Variants in KCNN3 observed in about 807,000 individuals in gnomAD.
The protein encoded by KCNN3 is small conductance calcium-activated potassium channel protein 3.
KCNN3 carries 16 observed loss-of-function variants against 62.9 expected under a neutral mutation model. The observed-to-expected ratio is 0.25, with a 90% CI of 0.17 to 0.39. The LOEUF (loss-of-function observed/expected upper bound fraction) is 0.39. Ranked by LOEUF, KCNN3 falls within the 10% of genes least tolerant of loss-of-function variation. KCNN3 has a pLI of 1.00. For synonymous variants in KCNN3, 370 were observed against 389.2 expected, an observed-to-expected ratio of 0.95 and a Z score of 0.58; for missense variants, 599 against 949.4, an observed-to-expected ratio of 0.63 and a Z score of 4.85.
intron 1 of KCNN3, chr1:154,859,625 G>T: frequency 1.3e-6 from 2 of 1,491,608 alleles, no homozygotes; most frequent in Non-Finnish European, 1.9e-6. Context: ...AGGTTCAATG[G>T]CTCAAGCCAG....
intron 1 of KCNN3, among the ~76,000 whole-genome samples, chr1:154,847,870 C>T (rs916480338): frequency 3.9e-5 from 6 of 152,216 alleles, no homozygotes; most frequent in African/African-American, 1.4e-4. Flanking sequence ...GCCCACTTTA[C>T]AAACACAGAC....
At chr1:154,768,199 T>G (rs541441994) in intron 3 of KCNN3, among the ~76,000 whole-genome samples, 1 of 152,344 alleles carries the variant, frequency 6.6e-6, no homozygotes, top group Non-Finnish European at 1.5e-5. Context: ...ACTACCCTGG[T>G]CTGACGCTTC....
At chr1:154,721,483 TAG>T (rs1700346335) in intron 5 of KCNN3, among the ~76,000 whole-genome samples, 1 of 151,952 alleles carries the variant, frequency 6.6e-6, no homozygotes, top group East Asian at 1.9e-4. Flanking sequence ...GTATTTTTAG[TAG>T]AGACGGGGTT....
intron 1 of KCNN3, among the ~76,000 whole-genome samples, chr1:154,857,766 C>T (rs1336952957): frequency 6.6e-6 from 1 of 152,208 alleles, no homozygotes; most frequent in Admixed American, 6.5e-5. Context: ...ATCTACCTCA[C>T]AGGGTTGTTG....
At chr1:154,754,994 G>C (rs1164908711) in intron 3 of KCNN3, among the ~76,000 whole-genome samples, 2 of 152,132 alleles carry the variant, frequency 1.3e-5, no homozygotes, top group African/African-American at 4.8e-5. Context: ...ATGGTGCAGG[G>C]ATGTATTCAA....
chr1:154,798,916 ATTTT>A (rs56240234), intron 2 of KCNN3, among the ~76,000 whole-genome samples: 4,209 of 131,268 alleles, frequency 0.032, 152 homozygotes, highest in African/African-American at 0.096. Flanking sequence ...CACTTATTGC[ATTTT>A]TTTTTTTTTT....
chr1:154,811,529 T>A (rs1418800879), intron 2 of KCNN3, among the ~76,000 whole-genome samples: 2 of 152,218 alleles, frequency 1.3e-5, no homozygotes, highest in Non-Finnish European at 2.9e-5. Flanking sequence ...GCAGGCTCAG[T>A]GTCTCTCCCA....
intron 2 of KCNN3, among the ~76,000 whole-genome samples, chr1:154,805,461 C>T (rs564524867): frequency 7.9e-5 from 12 of 152,340 alleles, no homozygotes; most frequent in African/African-American, 1.2e-4. Flanking sequence ...TTACAAACTA[C>T]TTTTTCTCAA....
At chr1:154,854,474 T>C (rs1271580668) in intron 1 of KCNN3, among the ~76,000 whole-genome samples, 1 of 152,186 alleles carries the variant, frequency 6.6e-6, no homozygotes, top group Non-Finnish European at 1.5e-5. Context: ...AAGTTGTATC[T>C]TGGAGGGAAG....
At chr1:154,771,731 A>G (rs1259322956) in intron 3 of KCNN3, among the ~76,000 whole-genome samples, 1 of 152,228 alleles carries the variant, frequency 6.6e-6, no homozygotes, top group African/African-American at 2.4e-5. Context: ...TTGGTTTGCA[A>G]AGAAGGAACA....
intron 3 of KCNN3, 154 bp downstream of exon 3, chr1:154,771,821 A>T (rs1648570466): frequency 1.3e-6 from 1 of 791,176 alleles, no homozygotes; most frequent in South Asian, 1.5e-5. Flanking sequence ...CTGAACCCCA[A>T]CTCAGCACTC....
chr1:154,732,948 G>A, intron 4 of KCNN3, 55 bp downstream of exon 4: 1 of 1,606,976 alleles, frequency 6.2e-7, no homozygotes, highest in Non-Finnish European at 8.5e-7. Context: ...GCAAGAAAGA[G>A]TTCAGCTCTT....
At chr1:154,781,971 C>G (rs1162391260) in intron 2 of KCNN3, among the ~76,000 whole-genome samples, 4 of 152,168 alleles carry the variant, frequency 2.6e-5, no homozygotes, top group Admixed American at 6.5e-5. Context: ...ACAGGGAGGG[C>G]TCTCTATGGA....
Position 154,870,033 on chromosome 1 carries a change from C to A in KCNN3, c.-69G>T. ...AAAGCCACCCTCGCTCCAAAGATGT[C>A]CTCAAAGAAAGCCAGGCATCCAATC... On this transcript the variant is annotated 5_prime_UTR_variant, in exon 1 of 8. Transcript: ENST00000271915. 6.5e-7 allele frequency: 1 copy of A among 1,547,306 alleles called. No homozygotes were observed. Among genetic ancestry groups the A allele is most frequent in the Non-Finnish European group, 8.8e-7 (1 of 1,135,540 alleles).
intron 1 of KCNN3, among the ~76,000 whole-genome samples, chr1:154,830,983 T>G (rs78400016): frequency 0.014 from 2,099 of 152,322 alleles, 51 homozygotes; most frequent in African/African-American, 0.048. Flanking sequence ...AACTGGCATA[T>G]CATGAATTCT....
chr1:154,797,873 C>T (rs1207498851), intron 2 of KCNN3, among the ~76,000 whole-genome samples: 2 of 152,120 alleles, frequency 1.3e-5, no homozygotes, highest in Non-Finnish European at 1.5e-5. Context: ...TTTTAGGTGT[C>T]TTCTCTCTCT....
intron 3 of KCNN3, among the ~76,000 whole-genome samples, chr1:154,767,023 G>T (rs564554027): frequency 2.0e-5 from 3 of 152,156 alleles, no homozygotes; most frequent in African/African-American, 7.2e-5. Context: ...CTTCTTGGAG[G>T]GGGTAGGAGG....
Position 154,713,499 on chromosome 1 carries a change from T to C in KCNN3, c.1864A>G (p.Ser622Gly), listed in dbSNP as rs2101761838. The C allele has an allele frequency of 1.2e-6, 2 of 1,614,070 alleles. No individual in the cohort carries two copies. Among genetic ancestry groups the C allele is most frequent in the East Asian group, 4.5e-5 (2 of 44,884 alleles). The change falls in exon 7 of 8, where the codon AGT becomes GGT. Residue 622 changes from serine (S) to glycine (G), a missense_variant. By Grantham distance (56) the Ser-to-Gly change is moderately conservative. Coordinates refer to ENST00000271915, the MANE Select transcript of KCNN3 (RefSeq NM_002249.6). ...TCCACCAGAGTGTTGGCTTGGTCAC[T>C]CAGCTTCCTCTGTTCCATCTTGACG... is the stretch of plus-strand genomic sequence containing the variant. The part of the protein sequence containing the change: ...RSVKMEQRKL[S>G]DQANTLVDLS...
At chr1:154,754,965 G>T (rs1647566765) in intron 3 of KCNN3, among the ~76,000 whole-genome samples, 1 of 152,196 alleles carries the variant, frequency 6.6e-6, no homozygotes, top group African/African-American at 2.4e-5. Flanking sequence ...TACAGGAGAA[G>T]ATGTATATAA....
Sources: allele counts gnomAD v4.1 joint callset (sites outside exome capture counted in the v4.1 genomes callset), GRCh38; gene constraint gnomAD v4.1.1; transcripts MANE v1.5; gene names NCBI Gene and HGNC (gene_info 2026-07-23, HGNC 2026-07-21).